The following NUDT3 variants were observed in gnomAD, a reference collection of about 807,000 sequenced individuals.
NUDT3 encodes diphosphoinositol polyphosphate phosphohydrolase 1.
Under a neutral mutation model 23.6 loss-of-function variants are expected in NUDT3, and 9 were observed. That is an observed-to-expected ratio of 0.38 (90% CI 0.23 to 0.66). NUDT3 has a LOEUF of 0.66. NUDT3 is among the 30% of genes least tolerant of loss of function. The pLI is 0.52. For missense variants in NUDT3, 172 were observed against 218.5 expected (o/e 0.79, Z 1.34); for synonymous variants, 86 against 82.6 (o/e 1.04, Z -0.22).
intron 1 of NUDT3, among the ~76,000 whole-genome samples, chr6:34,379,281 G>T (rs1395342353): frequency 6.6e-6 from 1 of 152,070 alleles, no homozygotes; most frequent in Non-Finnish European, 1.5e-5. Context: ...AATCCATGGT[G>T]GGGTACAGTG....
intron 2 of NUDT3, among the ~76,000 whole-genome samples, chr6:34,323,809 A>T (rs1209340236): frequency 1.3e-5 from 2 of 152,234 alleles, no homozygotes; most frequent in East Asian, 3.8e-4. Flanking sequence ...TGTTTATTGT[A>T]CTATTTTTGA....
intron 2 of NUDT3, among the ~76,000 whole-genome samples, chr6:34,298,408 T>G (rs1763547710): frequency 6.6e-6 from 1 of 151,944 alleles, no homozygotes; most frequent in Non-Finnish European, 1.5e-5. Flanking sequence ...CGTTTAATAA[T>G]AGTAACCTCT....
At chr6:34,354,394 A>AACACAC (rs370168110) in intron 1 of NUDT3, among the ~76,000 whole-genome samples, 3,274 of 137,640 alleles carry the variant, frequency 0.024, 102 homozygotes, top group African/African-American at 0.056. Flanking sequence ...GATTTCATTA[A>AACACAC]ACACACACAC....
At chr6:34,293,396 C>T in intron 4 of NUDT3, 55 bp downstream of exon 4, 1 of 1,604,752 alleles carries the variant, frequency 6.2e-7, no homozygotes, top group Non-Finnish European at 8.5e-7. Context: ...TGACCTGTGG[C>T]ATGGCAAGGG....
chr6:34,366,497 G>A (rs377200235), intron 1 of NUDT3, among the ~76,000 whole-genome samples: 2 of 127,766 alleles, frequency 1.6e-5, no homozygotes, highest in East Asian at 5.6e-4. Context: ...GGGAGGGAGG[G>A]AGGGAGGGAG....
In NUDT3 at chr6:34,316,658, T is replaced by C. The variant is rs79560702; in HGVS notation, c.211-20973A>G. Among the ~76,000 whole-genome samples the C allele has an allele frequency of 2.3e-3, 353 of 152,300 alleles. 3 individuals are homozygous for C. The highest frequency in any genetic ancestry group is 5.1e-3 in the African/African-American group (214 of 41,570). On this transcript the variant is annotated intron_variant, in intron 2 of 4. Coordinates refer to ENST00000607016, the MANE Select transcript of NUDT3 (RefSeq NM_006703.4). The stretch of plus-strand genomic sequence containing the variant: ...CTCCTCCAGGTTTAATGTAAGATTG[T>C]ATTTCCAACCATGGTGATTTAGGCA...
intron 2 of NUDT3, among the ~76,000 whole-genome samples, chr6:34,314,428 A>G (rs1160354393): frequency 6.6e-6 from 1 of 150,992 alleles, no homozygotes; most frequent in African/African-American, 2.4e-5. Context: ...GCCTGGTGGT[A>G]TGCGCCTGCA....
At chr6:34,384,112 C>T (rs1187320638) in intron 1 of NUDT3, among the ~76,000 whole-genome samples, 1 of 152,188 alleles carries the variant, frequency 6.6e-6, no homozygotes, top group African/African-American at 2.4e-5. Context: ...AAGGTGCAGT[C>T]TGCAGAGACG....
rs570604723 is a variant in NUDT3, at chr6:34,350,992, G to A, written c.100-9020C>T. 1.8e-4 allele frequency among the ~76,000 whole-genome samples: 27 copies of A among 149,742 alleles called. No individual in the cohort carries two copies. In the South Asian group the frequency reaches 2.9e-3, roughly 16 times the overall value. On this transcript the variant is annotated intron_variant, in intron 1 of 4. Transcript: ENST00000607016. ...CACAGATATCGGCGCCAGGCGCAGT[G>A]GCTCACATCTGTAATCTCAACACTT...
At position 34,303,571 on chromosome 6, in the gene NUDT3, G is replaced by C. The variant is rs143098795; in HGVS notation, c.211-7886C>G. Among the ~76,000 whole-genome samples, 21 of 152,124 alleles carry C rather than the reference G, an allele frequency of 1.4e-4. No individual in the cohort carries two copies. In the South Asian group the frequency reaches 2.7e-3, roughly 20 times the overall value. Reference sequence around the variant, plus strand: ...AATGCTTTGAACATTTCAAAAATACGATGTTTGCTATTGGTTTTATTAGAT... The same window carrying C: ...AATGCTTTGAACATTTCAAAAATACCATGTTTGCTATTGGTTTTATTAGAT... On this transcript the variant is annotated intron_variant, in intron 2 of 4. Transcript: ENST00000607016.
intron 2 of NUDT3, among the ~76,000 whole-genome samples, chr6:34,327,283 C>T (rs1216869314): frequency 6.6e-6 from 1 of 152,012 alleles, no homozygotes; most frequent in Non-Finnish European, 1.5e-5. Context: ...GTAATCCCAG[C>T]ACTTTGGGAG....
intron 2 of NUDT3, among the ~76,000 whole-genome samples, chr6:34,341,004 CT>C (rs771238699): frequency 2.3e-4 from 35 of 152,202 alleles, no homozygotes; most frequent in Middle Eastern, 6.8e-3. Flanking sequence ...GTTGTAAGTG[CT>C]TTTTTATATG....
At chr6:34,326,374 T>C (rs1457950034) in intron 2 of NUDT3, among the ~76,000 whole-genome samples, 1 of 152,220 alleles carries the variant, frequency 6.6e-6, no homozygotes, top group Non-Finnish European at 1.5e-5. Context: ...TTCTAAGAGG[T>C]TGGAGTTTAT....
intron 1 of NUDT3, among the ~76,000 whole-genome samples, chr6:34,356,478 T>C (rs1239273059): frequency 6.6e-6 from 1 of 152,042 alleles, no homozygotes; most frequent in Non-Finnish European, 1.5e-5. Flanking sequence ...GAAGAAGCTA[T>C]CAAAACCCAC....
intron 1 of NUDT3, among the ~76,000 whole-genome samples, chr6:34,390,395 C>T (rs1263043725): frequency 6.6e-6 from 1 of 151,890 alleles, no homozygotes; most frequent in Non-Finnish European, 1.5e-5. Flanking sequence ...AGTAAGCTTT[C>T]AACATTAATG....
At chr6:34,288,967 G>A (rs1320361947) in intron 4 of NUDT3, 36 bp from the exon 5 acceptor site, 1 of 1,545,918 alleles carries the variant, frequency 6.5e-7, no homozygotes, top group Non-Finnish European at 8.7e-7. Flanking sequence ...TAGTACAAGA[G>A]TAATAAGGTT....
rs1743524451 is a variant in NUDT3, at chr6:34,283,956, G to A, written c.*4797C>T. ...AAACTCACGAAACAGCACAGAGGAT[G>A]ACTCTAGGGTGCTCTCCCACTTGCT... On this transcript the variant is annotated 3_prime_UTR_variant, in exon 5 of 5. Coordinates refer to ENST00000607016, the MANE Select transcript of NUDT3 (RefSeq NM_006703.4). 1 of 152,214 alleles carries A rather than the reference G, an allele frequency of 6.6e-6. No individual in the cohort carries two copies. The highest frequency in any genetic ancestry group is 6.5e-5 in the Admixed American group (1 of 15,288). The allele number at this position is 152,214 out of a possible 1,614,324, so 9.4% of individuals were successfully genotyped here. A position where few individuals can be genotyped will look rare whatever the true frequency, so the allele number is the denominator to read the frequency against.
intron 2 of NUDT3, 119 bp downstream of exon 2, chr6:34,341,743 T>C (rs376503984): frequency 2.8e-5 from 22 of 792,466 alleles, no homozygotes; most frequent in Admixed American, 1.3e-4. Context: ...TAACCATTCA[T>C]TGCCCTTTTT....
At chr6:34,353,410 G>C (rs1037552195) in intron 1 of NUDT3, among the ~76,000 whole-genome samples, 1 of 148,710 alleles carries the variant, frequency 6.7e-6, no homozygotes, top group Non-Finnish European at 1.5e-5. Context: ...TGCCAATCTT[G>C]TTTTACTTAC....
Sources: gnomAD v4.1 joint callset for allele counts (sites outside exome capture counted in the v4.1 genomes callset) on GRCh38, gnomAD v4.1.1 for gene constraint, MANE v1.5 for transcripts, NCBI Gene and HGNC (gene_info 2026-07-23, HGNC 2026-07-21) for gene names.